The following CRTAC1 variants were observed in gnomAD, a reference collection of about 807,000 sequenced individuals.
The protein encoded by CRTAC1 is cartilage acidic protein 1, also known as acidic secreted protein in cartilage.
Under a neutral mutation model 67.8 loss-of-function variants are expected in CRTAC1, and 37 were observed. The ratio of observed to expected loss-of-function variants is 0.55; its 90% confidence interval spans 0.42 to 0.72. CRTAC1 has a LOEUF of 0.72. CRTAC1 is among the 30% of genes least tolerant of loss of function. The pLI is 0.00. For missense variants in CRTAC1, 780 were observed against 931.6 expected (o/e 0.84, Z 2.12); for synonymous variants, 348 against 371.0 (o/e 0.94, Z 0.71).
chr10:97,954,842 G>T (rs754215703), intron 2 of CRTAC1, among the ~76,000 whole-genome samples: 2 of 152,034 alleles, frequency 1.3e-5, no homozygotes, highest in East Asian at 3.9e-4. Flanking sequence ...ACCTTCTGGG[G>T]GCTGCAGGCA....
At chr10:97,878,524 CT>C (rs1407090349) in intron 14 of CRTAC1, 53 of 1,095,372 alleles carry the variant, frequency 4.8e-5, no homozygotes, top group Admixed American at 1.6e-4. Flanking sequence ...CCTGGGATGA[CT>C]TTTTTTCCCC....
chr10:97,889,360 C>T (rs1299711587), intron 11 of CRTAC1, among the ~76,000 whole-genome samples: 1 of 151,640 alleles, frequency 6.6e-6, no homozygotes, highest in Non-Finnish European at 1.5e-5. Context: ...TCGACCAGGG[C>T]CATAAGCAGA....
intron 2 of CRTAC1, 131 bp downstream of exon 2, chr10:98,011,007 C>T: frequency 1.3e-6 from 1 of 797,322 alleles, no homozygotes; most frequent in Non-Finnish European, 2.1e-6. Flanking sequence ...TGCAGCTGAG[C>T]CACAGACAAC....
At chr10:97,985,006 T>C (rs550153132) in intron 2 of CRTAC1, among the ~76,000 whole-genome samples, 2 of 152,328 alleles carry the variant, frequency 1.3e-5, no homozygotes, top group East Asian at 1.9e-4. Flanking sequence ...CAGAGGAGAC[T>C]GTAATTGGGT....
chr10:97,957,469 G>GCT (rs765671517), intron 2 of CRTAC1, among the ~76,000 whole-genome samples: 61 of 152,210 alleles, frequency 4.0e-4, no homozygotes, highest in Non-Finnish European at 7.6e-4. Context: ...CAATCCTCAT[G>GCT]CTCTGTAAGG....
At chr10:97,879,850 G>A (rs2050189331) in intron 14 of CRTAC1, 5 of 1,309,224 alleles carry the variant, frequency 3.8e-6, no homozygotes, top group Non-Finnish European at 4.2e-6. Context: ...AAAGAGAAAG[G>A]GGGTGGGGAC....
intron 2 of CRTAC1, among the ~76,000 whole-genome samples, chr10:97,968,422 CT>C (rs2051654296): frequency 6.6e-6 from 1 of 151,956 alleles, no homozygotes; most frequent in Non-Finnish European, 1.5e-5. Flanking sequence ...TTTTTTGTAT[CT>C]TTAGTAGAGA....
chr10:97,892,172 G>C (rs1483216169), intron 11 of CRTAC1, among the ~76,000 whole-genome samples: 2 of 152,190 alleles, frequency 1.3e-5, no homozygotes, highest in African/African-American at 4.8e-5. Context: ...CCTGGCTAAG[G>C]CTTTCCAGTT....
chr10:97,884,562 G>A (rs941526070), intron 11 of CRTAC1: 22 of 589,604 alleles, frequency 3.7e-5, no homozygotes, highest in Non-Finnish European at 5.7e-5. Flanking sequence ...GGACAGAAAT[G>A]TCCTGCATCT....
In CRTAC1 at chr10:98,021,612, T is replaced by C. The variant is rs184355498; in HGVS notation, c.24+8837A>G. ...TGAAATGAGGTGAATGTATGTTAAG[T>C]GCTGAGCATAATGCCTGGCATAGAG... On this transcript the variant is annotated intron_variant, in intron 1 of 14. Coordinates refer to ENST00000370597, the MANE Select transcript of CRTAC1 (RefSeq NM_018058.7). Among the ~76,000 whole-genome samples the C allele has an allele frequency of 9.8e-4, 149 of 152,294 alleles. 1 individual carries two copies. The highest frequency in any genetic ancestry group is 3.1e-4 in the Non-Finnish European group (21 of 68,036).
At chr10:97,894,697 C>T (rs1356981635) in intron 11 of CRTAC1, among the ~76,000 whole-genome samples, 3 of 115,796 alleles carry the variant, frequency 2.6e-5, no homozygotes, top group Non-Finnish European at 3.5e-5. Flanking sequence ...TGTGCCCAGC[C>T]CCTGATGCTT....
intron 6 of CRTAC1, among the ~76,000 whole-genome samples, chr10:97,905,138 G>A (rs911262593): frequency 5.9e-5 from 9 of 152,110 alleles, no homozygotes; most frequent in African/African-American, 1.4e-4. Context: ...GGCTCTTCCC[G>A]GCCACCCCTA....
At position 97,934,000 on chromosome 10, in the gene CRTAC1, C is replaced by A. The variant is rs181549565; in HGVS notation, c.421+2170G>T. ...AACCAGGGCTCTGGGATTCACAATG[C>A]AACACTCTAAGAGCGTGGGAGGGGC... On this transcript the variant is annotated intron_variant, in intron 3 of 14. Transcript: ENST00000370597. Among the ~76,000 whole-genome samples, 3 of 152,268 alleles carry A rather than the reference C, an allele frequency of 2.0e-5. 1 individual carries two copies. The highest frequency in any genetic ancestry group is 7.2e-5 in the African/African-American group (3 of 41,544).
chr10:97,991,420 T>TAATAAATAAATA (rs59622695), intron 2 of CRTAC1, among the ~76,000 whole-genome samples: 29,727 of 146,916 alleles, frequency 0.2, 3,229 homozygotes, highest in Non-Finnish European at 0.22. Context: ...CTTTTAAAAA[T>TAATAAATAAATA]AATAAATAAA....
At chr10:97,997,901 A>C (rs1435947909) in intron 2 of CRTAC1, among the ~76,000 whole-genome samples, 1 of 152,250 alleles carries the variant, frequency 6.6e-6, no homozygotes, top group African/African-American at 2.4e-5. Flanking sequence ...AGAAACTTGG[A>C]GACTAGAATG....
At chr10:97,885,410 A>T (rs1398850424) in intron 11 of CRTAC1, among the ~76,000 whole-genome samples, 1 of 152,222 alleles carries the variant, frequency 6.6e-6, no homozygotes, top group Non-Finnish European at 1.5e-5. Flanking sequence ...AGGACAGGGG[A>T]GAAAGACCAT....
intron 2 of CRTAC1, among the ~76,000 whole-genome samples, chr10:98,001,396 C>T (rs781619355): frequency 5.1e-4 from 78 of 152,216 alleles, no homozygotes; most frequent in African/African-American, 1.3e-3. Flanking sequence ...AAAGCAGGGA[C>T]GACACTATTT....
intron 2 of CRTAC1, among the ~76,000 whole-genome samples, chr10:97,978,555 C>A (rs1441347449): frequency 6.6e-6 from 1 of 152,234 alleles, no homozygotes; most frequent in Non-Finnish European, 1.5e-5. Context: ...AAGCTTGCTC[C>A]TGCCCTAGGA....
At chr10:97,905,359 C>G (rs2136571129) in intron 6 of CRTAC1, among the ~76,000 whole-genome samples, 1 of 152,270 alleles carries the variant, frequency 6.6e-6, no homozygotes, top group Admixed American at 6.5e-5. Flanking sequence ...AGGTCTCTAC[C>G]TGGGATGCTC....
Sources: allele counts gnomAD v4.1 joint callset (sites outside exome capture counted in the v4.1 genomes callset), GRCh38; gene constraint gnomAD v4.1.1; transcripts MANE v1.5; gene names NCBI Gene and HGNC (gene_info 2026-07-23, HGNC 2026-07-21).